The following XYLB variants were observed in gnomAD, a reference collection of about 807,000 sequenced individuals.
XYLB encodes xylulokinase, also known as xylulose kinase.
A neutral mutation model predicts 78.7 loss-of-function variants in XYLB; 62 were observed. The ratio of observed to expected loss-of-function variants is 0.79; its 90% CI spans 0.64 to 0.97. The LOEUF (loss-of-function observed/expected upper bound fraction) is 0.97. XYLB is among the 50% of genes least tolerant of loss of function. The pLI, the probability that XYLB is intolerant of heterozygous loss-of-function variation, is 0.00. For missense variants in XYLB, 687 were observed against 676.8 expected (o/e 1.02, Z -0.17); for synonymous variants, 245 against 247.4 (o/e 0.99, Z 0.09).
chr3:38,371,447 T>G (rs559486322), intron 9 of XYLB, among the ~76,000 whole-genome samples: 2 of 152,166 alleles, frequency 1.3e-5, no homozygotes, highest in Non-Finnish European at 2.9e-5. Context: ...CTAATTTTTT[T>G]ATATTTTTAG....
At chr3:38,384,223 C>T (rs573766359) in intron 15 of XYLB, among the ~76,000 whole-genome samples, 7 of 152,192 alleles carry the variant, frequency 4.6e-5, no homozygotes, top group South Asian at 2.1e-4. Context: ...CACACCACCA[C>T]GCCCAGCTAG....
chr3:38,372,204 C>G (rs1281349447), intron 9 of XYLB, among the ~76,000 whole-genome samples: 1 of 152,128 alleles, frequency 6.6e-6, no homozygotes, highest in African/African-American at 2.4e-5. Flanking sequence ...GAACATTGCT[C>G]TCTGCACGTT....
the XYLB span, among the ~76,000 whole-genome samples, chr3:38,427,151 A>G: frequency 1.3e-5 from 2 of 152,332 alleles, no homozygotes; most frequent in South Asian, 4.1e-4. Context: ...TCAGCTCTGA[A>G]GGCTGTCAGC....
At chr3:38,425,870 A>G (rs113265112), downstream of XYLB, among the ~76,000 whole-genome samples, 32 of 152,162 alleles carry the variant, frequency 2.1e-4, no homozygotes, top group Non-Finnish European at 4.1e-4. Flanking sequence ...CCTAATCATC[A>G]TGGGACTTGT....
the XYLB span, among the ~76,000 whole-genome samples, chr3:38,445,113 G>A: frequency 7.9e-5 from 12 of 152,114 alleles, no homozygotes; most frequent in Non-Finnish European, 1.8e-4. Context: ...TTCCTATAAA[G>A]ATGATATTCC....
intron 2 of XYLB, among the ~76,000 whole-genome samples, chr3:38,354,979 C>T (rs773532885): frequency 3.3e-5 from 5 of 152,220 alleles, no homozygotes; most frequent in African/African-American, 4.8e-5. Context: ...AGCTTTTGCT[C>T]ACTTTGGTAG....
chr3:38,410,924 C>T (rs1425571880), intron 18 of XYLB, among the ~76,000 whole-genome samples: 9 of 152,028 alleles, frequency 5.9e-5, no homozygotes, highest in Admixed American at 2.0e-4. Flanking sequence ...CACTTTTACA[C>T]TGTTGGTGGG....
At chr3:38,439,178 G>T in the XYLB span, among the ~76,000 whole-genome samples, 1 of 152,174 alleles carries the variant, frequency 6.6e-6, no homozygotes, top group Non-Finnish European at 1.5e-5. Flanking sequence ...ACTTCCTGCT[G>T]GATAGGGGCG....
the XYLB span, among the ~76,000 whole-genome samples, chr3:38,440,012 T>C: frequency 5.3e-5 from 8 of 152,126 alleles, no homozygotes; most frequent in African/African-American, 1.4e-4. Context: ...TTGTAAACTG[T>C]CTGAGAAATC....
chr3:38,406,219 C>A (rs886913877), intron 18 of XYLB, among the ~76,000 whole-genome samples: 4 of 152,222 alleles, frequency 2.6e-5, no homozygotes, highest in African/African-American at 9.6e-5. Context: ...CAGCAGCATT[C>A]GTGGTTCACG....
At chr3:38,405,307 C>G (rs573296381) in intron 18 of XYLB, among the ~76,000 whole-genome samples, 12 of 143,002 alleles carry the variant, frequency 8.4e-5, no homozygotes, top group African/African-American at 3.1e-4. Flanking sequence ...GAGGCTGAGG[C>G]GGGAGGATCA....
At chr3:38,381,306 T>C (rs1239573923) in intron 15 of XYLB, among the ~76,000 whole-genome samples, 3 of 152,220 alleles carry the variant, frequency 2.0e-5, no homozygotes, top group Non-Finnish European at 4.4e-5. Context: ...TGATTTCCTA[T>C]GCCTGTCTTT....
At chr3:38,442,964 C>T in the XYLB span, among the ~76,000 whole-genome samples, 3,617 of 152,130 alleles carry the variant, frequency 0.024, 147 homozygotes, top group East Asian at 0.16. Flanking sequence ...AACTTGTTCC[C>T]CATATTCACG....
chr3:38,364,847 TTGAA>T (rs542613857), intron 4 of XYLB, among the ~76,000 whole-genome samples: 29 of 152,280 alleles, frequency 1.9e-4, no homozygotes, highest in Middle Eastern at 3.4e-3. Flanking sequence ...TAAATGTTCA[TTGAA>T]TGAATGAATG....
chr3:38,352,223 G>C (rs1575448090), intron 2 of XYLB, among the ~76,000 whole-genome samples: 1 of 144,834 alleles, frequency 6.9e-6, no homozygotes, highest in Non-Finnish European at 1.5e-5. Flanking sequence ...TTCTTTTTTT[G>C]AGACAGAGTC....
the XYLB span, among the ~76,000 whole-genome samples, chr3:38,449,255 T>C: frequency 6.4e-4 from 97 of 152,318 alleles, no homozygotes; most frequent in African/African-American, 2.3e-3. Flanking sequence ...ACTGAGTAGC[T>C]GGGACTACAG....
chr3:38,374,271 C>T (rs1238584408), intron 10 of XYLB, among the ~76,000 whole-genome samples, 191 bp from the exon 11 acceptor site: 2 of 152,120 alleles, frequency 1.3e-5, no homozygotes, highest in Non-Finnish European at 2.9e-5. Context: ...ACAGAGACTT[C>T]ACCCCGTGAC....
intron 1 of XYLB, among the ~76,000 whole-genome samples, chr3:38,348,129 T>G (rs1290348892): frequency 6.6e-6 from 1 of 152,230 alleles, no homozygotes; most frequent in East Asian, 1.9e-4. Context: ...GAATAGCCCA[T>G]GGCCTTGCCT....
chr3:38,395,658 A>C, intron 16 of XYLB, 95 bp downstream of exon 16: 1 of 1,320,742 alleles, frequency 7.6e-7, no homozygotes, highest in Non-Finnish European at 1.1e-6. Context: ...CTCCATTCCC[A>C]CTCCTGCAGG....
Sources: gnomAD v4.1 joint callset for allele counts (sites outside exome capture counted in the v4.1 genomes callset) on GRCh38, gnomAD v4.1.1 for gene constraint, MANE v1.5 for transcripts, NCBI Gene and HGNC (gene_info 2026-07-23, HGNC 2026-07-21) for gene names.